Variants in EZH2 observed in about 807,000 individuals in gnomAD.
EZH2 encodes histone-lysine N-methyltransferase EZH2.
In EZH2, 18 loss-of-function variants were observed where a neutral mutation model predicts 98.4. That is an observed-to-expected ratio of 0.18 (90% CI 0.13 to 0.27). The LOEUF is 0.27. EZH2 is among the 10% of genes least tolerant of loss of function. The pLI is 1.00. For missense variants in EZH2, 470 were observed against 935.1 expected, an observed-to-expected ratio of 0.50 and a Z score of 6.49; for synonymous variants, 338 against 312.3, an observed-to-expected ratio of 1.08 and a Z score of -0.87.
intron 1 of EZH2, among the ~76,000 whole-genome samples, chr7:148,872,839 CTT>C (rs879385903): frequency 1.4e-5 from 2 of 146,222 alleles, no homozygotes. Flanking sequence ...TTTTTGATAC[CTT>C]TTTTTTTTTA....
At chr7:148,856,051 A>C (rs1563048705) in intron 1 of EZH2, among the ~76,000 whole-genome samples, 1 of 152,164 alleles carries the variant, frequency 6.6e-6, no homozygotes, top group African/African-American at 2.4e-5. Flanking sequence ...AAAACAAAAC[A>C]GGATGTCAGG....
chr7:148,846,838 CTGTGTGTGTGTGTGTGTGTGTGTGTGTG>C (rs59597308), intron 2 of EZH2, among the ~76,000 whole-genome samples: 5 of 135,172 alleles, frequency 3.7e-5, no homozygotes, highest in Admixed American at 1.5e-4. Flanking sequence ...TCTTTGTTGA[CTGTGTGTGTGTGTGTGTGTGTGTGTGTG>C]TGTGTGTGTG....
intron 15 of EZH2, among the ~76,000 whole-genome samples, chr7:148,813,559 TATAA>T (rs1437884060): frequency 6.6e-6 from 1 of 152,000 alleles, no homozygotes; most frequent in Non-Finnish European, 1.5e-5. Flanking sequence ...GCAAGGAATC[TATAA>T]ATACTCTTTG....
At chr7:148,856,402 T>C (rs998342237) in intron 1 of EZH2, among the ~76,000 whole-genome samples, 5 of 152,338 alleles carry the variant, frequency 3.3e-5, no homozygotes, top group African/African-American at 1.2e-4. Flanking sequence ...TTAAAATATA[T>C]GCGGATAGAT....
At chr7:148,874,399 CAAAGAAAAAAAA>C (rs1819888062) in intron 1 of EZH2, among the ~76,000 whole-genome samples, 1 of 149,274 alleles carries the variant, frequency 6.7e-6, no homozygotes, top group Non-Finnish European at 1.5e-5. Flanking sequence ...AATAAAAAAG[CAAAGAAAAAAAA>C]AACACCTATC....
intron 1 of EZH2, among the ~76,000 whole-genome samples, chr7:148,882,436 GAAC>G (rs139704197): frequency 0.022 from 3,369 of 152,276 alleles, 108 homozygotes; most frequent in African/African-American, 0.077. Flanking sequence ...CGAAAAGAGA[GAAC>G]AAGACGCTTT....
At chr7:148,872,295 A>C (rs571492603) in intron 1 of EZH2, among the ~76,000 whole-genome samples, 1 of 152,342 alleles carries the variant, frequency 6.6e-6, no homozygotes, top group Admixed American at 6.5e-5. Context: ...AAAATCATGG[A>C]AACAGAAAGT....
intron 1 of EZH2, among the ~76,000 whole-genome samples, chr7:148,874,567 CCA>C (rs1585306481): frequency 6.6e-6 from 1 of 152,096 alleles, no homozygotes; most frequent in East Asian, 1.9e-4. Context: ...TAAACAACAC[CCA>C]ATGGAGGTCC....
intron 6 of EZH2, 121 bp from the exon 7 acceptor site, chr7:148,827,387 TTG>T: frequency 1.4e-6 from 1 of 713,922 alleles, no homozygotes; most frequent in Non-Finnish European, 2.3e-6. Flanking sequence ...CATCTCTATT[TTG>T]TGTTTTACTT....
At chr7:148,868,115 C>T (rs1385496591) in intron 1 of EZH2, among the ~76,000 whole-genome samples, 3 of 152,332 alleles carry the variant, frequency 2.0e-5, no homozygotes, top group Non-Finnish European at 4.4e-5. Flanking sequence ...TCTGAGCCCT[C>T]CAAACTGTAC....
intron 1 of EZH2, among the ~76,000 whole-genome samples, chr7:148,874,367 G>A (rs1299685302): frequency 6.6e-6 from 1 of 151,956 alleles, no homozygotes; most frequent in African/African-American, 2.4e-5. Flanking sequence ...CAGGCTGGGT[G>A]ACAGAGCAAA....
rs571401232 is a variant in EZH2 at position 148,869,831 on chromosome 7, G to A, written c.-8+14333C>T. ...AAGAGGAGAGATCCACAAAAGCTAC[G>A]TGCCAAGGAAATACAACTAGTATAA... On this transcript the variant is annotated intron_variant, in intron 1 of 19. Coordinates refer to ENST00000320356, the MANE Select transcript of EZH2 (RefSeq NM_004456.5). 5.0e-4 allele frequency among the ~76,000 whole-genome samples: 71 copies of A among 142,354 alleles called. 1 individual carries two copies. The highest frequency in any genetic ancestry group is 2.0e-3 in the African/African-American group (65 of 32,088). The allele number at this position is 142,354 out of a possible 152,430, so 93.4% of individuals were successfully genotyped here.
At chr7:148,822,110 A>T (rs578025152) in intron 8 of EZH2, among the ~76,000 whole-genome samples, 12 of 152,274 alleles carry the variant, frequency 7.9e-5, no homozygotes, top group East Asian at 3.9e-4. Flanking sequence ...TGGATCAAAG[A>T]TTTATGTTTT....
chr7:148,814,392 TA>T (rs1413453115), intron 14 of EZH2, among the ~76,000 whole-genome samples: 1 of 152,188 alleles, frequency 6.6e-6, no homozygotes, highest in Non-Finnish European at 1.5e-5. Flanking sequence ...TCGGTGTGAA[TA>T]AAGGGTCTGG....
At chr7:148,808,301 T>C (rs1363640453) in intron 19 of EZH2, among the ~76,000 whole-genome samples, 1 of 152,180 alleles carries the variant, frequency 6.6e-6, no homozygotes, top group Non-Finnish European at 1.5e-5. Flanking sequence ...GGCCCTTCAC[T>C]CAGACCCTGT....
chr7:148,833,328 G>A (rs949657774), intron 3 of EZH2, among the ~76,000 whole-genome samples: 16 of 151,702 alleles, frequency 1.1e-4, no homozygotes, highest in South Asian at 8.3e-4. Context: ...ATGGTGGCGC[G>A]CGCCTGTAGT....
chr7:148,853,704 G>C (rs1426492410), intron 1 of EZH2, among the ~76,000 whole-genome samples: 4 of 152,128 alleles, frequency 2.6e-5, no homozygotes, highest in African/African-American at 9.7e-5. Context: ...AGGGAATAAT[G>C]GCAAGAAAAA....
At chr7:148,832,151 CA>C (rs1466164335) in intron 4 of EZH2, among the ~76,000 whole-genome samples, 1 of 152,178 alleles carries the variant, frequency 6.6e-6, no homozygotes, top group Admixed American at 6.5e-5. Flanking sequence ...TACAATGGCA[CA>C]ATCTCAGCTC....
At chr7:148,866,555 C>T (rs150423004) in intron 1 of EZH2, among the ~76,000 whole-genome samples, 284 of 92,604 alleles carry the variant, frequency 3.1e-3, no homozygotes, top group African/African-American at 0.014. Flanking sequence ...CATATATATA[C>T]ATATATACAT....
Sources: allele counts gnomAD v4.1 joint callset (sites outside exome capture counted in the v4.1 genomes callset), GRCh38; gene constraint gnomAD v4.1.1; transcripts MANE v1.5; gene names NCBI Gene and HGNC (gene_info 2026-07-23, HGNC 2026-07-21).